CTCF: variants seen among roughly 807,000 people sequenced by gnomAD.
CTCF encodes transcriptional repressor CTCF.
Under a neutral mutation model 72.3 loss-of-function variants are expected in CTCF, and 7 were observed. That is an observed-to-expected ratio of 0.10 (90% CI 0.06 to 0.18). The LOEUF is 0.18. Among genes scored for constraint, CTCF ranks in the 10% least tolerant of loss-of-function variants. The pLI, the probability that CTCF is intolerant of heterozygous loss-of-function variation, is 1.00. For synonymous variants in CTCF, 374 were observed against 315.8 expected, an observed-to-expected ratio of 1.18 and a Z score of -1.95; for missense variants, 516 against 949.1, an observed-to-expected ratio of 0.54 and a Z score of 6.00.
rs1405972345 is a variant in CTCF, at chr16:67,629,459, G to A, written c.1763G>A (p.Gly588Glu). 1 of 1,613,140 alleles carries A rather than the reference G, an allele frequency of 6.2e-7. No individual in the cohort carries two copies. Among genetic ancestry groups the A allele is most frequent in the Non-Finnish European group, 8.5e-7 (1 of 1,179,700 alleles). The stretch of plus-strand genomic sequence containing the variant: ...CCAGATGGCGTAGAGGGGGAAAATG[G>A]AGGAGAAACGAAGAAGAGTAAACGT... ...AGPDGVEGEN[G>E]GETKKSKRGR... Residue 588 changes from glycine (G) to glutamate (E), a missense_variant, in exon 10 of 12, where the codon GGA becomes GAA. Physicochemically the swap from Gly to Glu is moderately conservative, Grantham distance 98 (BLOSUM62 -2). Transcript: ENST00000264010.
rs760987704 is a variant in CTCF at position 67,597,411 on chromosome 16, C to T, written c.-9-13413C>T. The stretch of plus-strand genomic sequence containing the variant: ...CTGAAGTGCAGTGGCGTGATCTTGA[C>T]GCACTACAACCTCCACCTCCTGGGT... On this transcript the variant is annotated intron_variant, in intron 2 of 11. Coordinates refer to ENST00000264010, the MANE Select transcript of CTCF (RefSeq NM_006565.4). Among the ~76,000 whole-genome samples the T allele has an allele frequency of 3.9e-5, 6 of 151,980 alleles. No individual in the cohort carries two copies. The South Asian group carries it at 1.0e-3, about 26-fold the overall frequency.
chr16:67,588,334 C>A (rs1181717777), intron 2 of CTCF, among the ~76,000 whole-genome samples: 1 of 152,178 alleles, frequency 6.6e-6, no homozygotes, highest in Non-Finnish European at 1.5e-5. Context: ...GCTATAGATT[C>A]TCAGTCTTTC....
Position 67,584,431 on chromosome 16 carries a change from C to A in CTCF, c.-10+13167C>A, listed in dbSNP as rs191049230. Among the ~76,000 whole-genome samples, 3 of 150,128 alleles carry A rather than the reference C, an allele frequency of 2.0e-5. No homozygotes were observed. In the South Asian group the frequency reaches 6.4e-4, roughly 32 times the overall value. ...TCTCGGCTCACCGCAACCTCTGCCCCCCAGGTTCAAGCGATTCTCCTGCCT... is the reference window on the plus strand; with the variant it reads ...TCTCGGCTCACCGCAACCTCTGCCCACCAGGTTCAAGCGATTCTCCTGCCT... On this transcript the variant is annotated intron_variant, in intron 2 of 11. Coordinates refer to ENST00000264010, the MANE Select transcript of CTCF (RefSeq NM_006565.4).
chr16:67,618,611 CAG>C (rs1011564029), intron 5 of CTCF, among the ~76,000 whole-genome samples: 1 of 152,066 alleles, frequency 6.6e-6, no homozygotes, highest in Non-Finnish European at 1.5e-5. Flanking sequence ...TTATTTCTTG[CAG>C]AGAGATTTGC....
chr16:67,613,800 A>G (rs1330764471), intron 4 of CTCF, among the ~76,000 whole-genome samples: 1 of 152,236 alleles, frequency 6.6e-6, no homozygotes, highest in East Asian at 1.9e-4. Flanking sequence ...ATAAATAAAT[A>G]AATGGCCCCA....
intron 10 of CTCF, among the ~76,000 whole-genome samples, chr16:67,630,552 C>T (rs1319384443): frequency 2.0e-5 from 3 of 151,914 alleles, no homozygotes; most frequent in South Asian, 2.1e-4. Flanking sequence ...GTCAGGAGTT[C>T]GAGACCAGCC....
chr16:67,609,968 G>T (rs939951644), intron 2 of CTCF, among the ~76,000 whole-genome samples: 4 of 152,062 alleles, frequency 2.6e-5, no homozygotes, highest in African/African-American at 9.7e-5. Flanking sequence ...CCTGTGTCTT[G>T]GAGGATGTTT....
At chr16:67,633,781 GACACACAC>G (rs10587869) in intron 10 of CTCF, among the ~76,000 whole-genome samples, 16 of 143,200 alleles carry the variant, frequency 1.1e-4, no homozygotes, top group Admixed American at 4.2e-4. Flanking sequence ...CTTGTCCCCT[GACACACAC>G]ACACACACAC....
intron 2 of CTCF, among the ~76,000 whole-genome samples, chr16:67,606,068 A>T (rs1454317345): frequency 6.6e-6 from 1 of 152,220 alleles, no homozygotes; most frequent in African/African-American, 2.4e-5. Context: ...CCCAGAAAGC[A>T]TAAGTGGTTT....
intron 2 of CTCF, among the ~76,000 whole-genome samples, chr16:67,608,982 C>A (rs982817675): frequency 1.4e-4 from 22 of 152,156 alleles, no homozygotes; most frequent in Non-Finnish European, 1.8e-4. Flanking sequence ...CTCAGGTGAT[C>A]CACACACCTC....
At chr16:67,620,983 C>A in intron 6 of CTCF, 166 bp downstream of exon 6, 1 of 516,510 alleles carries the variant, frequency 1.9e-6, no homozygotes, top group Non-Finnish European at 3.1e-6. Flanking sequence ...ATTCGTTGTT[C>A]AGAAAACACA....
chr16:67,604,730 G>GT (rs533827293), intron 2 of CTCF, among the ~76,000 whole-genome samples: 4,785 of 123,594 alleles, frequency 0.039, 324 homozygotes, highest in African/African-American at 0.14. Context: ...TTTCACCAGG[G>GT]TTTTTTTTTT....
intron 1 of CTCF, among the ~76,000 whole-genome samples, chr16:67,564,121 A>G (rs1056148681): frequency 1.3e-5 from 2 of 152,246 alleles, no homozygotes; most frequent in Admixed American, 1.3e-4. Flanking sequence ...GTTAAAAACC[A>G]AGTCCTCATA....
intron 2 of CTCF, among the ~76,000 whole-genome samples, chr16:67,601,513 T>G (rs2142791677): frequency 6.6e-6 from 1 of 151,686 alleles, no homozygotes; most frequent in Middle Eastern, 3.4e-3. Context: ...TAATTTTGTT[T>G]TTGTATTTCT....
In CTCF at chr16:67,638,105, A is replaced by C. The variant is rs2052456687; in HGVS notation, c.*233A>C. The C allele has an allele frequency of 4.0e-6, 2 of 505,606 alleles. No homozygotes were observed. The highest frequency in any genetic ancestry group is 3.3e-5 in the Admixed American group (1 of 30,482). The allele number at this position is 505,606 out of a possible 1,614,324, so 31.3% of individuals were successfully genotyped here. A position where few individuals can be genotyped will look rare whatever the true frequency, so the allele number is the denominator to read the frequency against. On this transcript the variant is annotated 3_prime_UTR_variant, in exon 12 of 12. Transcript: ENST00000264010. ...CTGAGTCCCTGAGGGTTTACTGTGAAGTGCTGAGGACAGTGTTGACAACTA... is the reference window on the plus strand; with the variant it reads ...CTGAGTCCCTGAGGGTTTACTGTGACGTGCTGAGGACAGTGTTGACAACTA...
At chr16:67,568,090 A>T (rs557644476) in intron 1 of CTCF, 34 of 150,920 alleles carry the variant, frequency 2.3e-4, no homozygotes, top group African/African-American at 7.8e-4. Flanking sequence ...GTATATATAT[A>T]TATTTTTTAA....
chr16:67,575,387 A>G (rs1232931017), intron 2 of CTCF, among the ~76,000 whole-genome samples: 1 of 151,774 alleles, frequency 6.6e-6, no homozygotes, highest in Non-Finnish European at 1.5e-5. Flanking sequence ...CATGCAGCTT[A>G]ATAGCTATAT....
chr16:67,576,888 T>C (rs1300612537), intron 2 of CTCF, among the ~76,000 whole-genome samples: 1 of 152,186 alleles, frequency 6.6e-6, no homozygotes, highest in Non-Finnish European at 1.5e-5. Flanking sequence ...TGGCAAGATA[T>C]TTGAAACAAA....
intron 2 of CTCF, among the ~76,000 whole-genome samples, chr16:67,576,210 A>C (rs941143855): frequency 1.3e-5 from 2 of 151,676 alleles, no homozygotes; most frequent in African/African-American, 4.8e-5. Context: ...GTTTTTTAAT[A>C]GCATAATACC....
Sources: gnomAD v4.1 joint callset for allele counts (sites outside exome capture counted in the v4.1 genomes callset) on GRCh38, gnomAD v4.1.1 for gene constraint, MANE v1.5 for transcripts, NCBI Gene and HGNC (gene_info 2026-07-23, HGNC 2026-07-21) for gene names.